OR4N2: variants seen among roughly 807,000 people sequenced by gnomAD.
OR4N2 encodes olfactory receptor family 4 subfamily N member 2.
For synonymous variants in OR4N2, 141 were observed against 140.4 expected (o/e 1.00, Z -0.03); for missense variants, 307 against 377.6 (o/e 0.81, Z 1.55).
rs1566464610 is a variant in OR4N2 at position 19,815,065 on chromosome 14, CTA to C, written c.-10+11223_-10+11224del. On this transcript the variant is annotated intron_variant, in intron 1 of 1. Transcript: ENST00000557677. ...ATGTGACCCATTTTCTTTATCCAGT[CTA>C]TGATTGATGGGCATTTGGGTTGGTT... Among the ~76,000 whole-genome samples the C allele has an allele frequency of 2.0e-5, 3 of 152,232 alleles. No homozygotes were observed. The East Asian group carries it at 5.8e-4, about 29-fold the overall frequency.
chr14:19,818,474 G>A (rs1390427542), intron 1 of OR4N2, among the ~76,000 whole-genome samples: 2 of 152,166 alleles, frequency 1.3e-5, no homozygotes, highest in African/African-American at 4.8e-5. Context: ...TTGGTTTAAA[G>A]TCTGTTTTAT....
At chr14:19,809,027 C>A (rs1469115671) in intron 1 of OR4N2, among the ~76,000 whole-genome samples, 1 of 152,154 alleles carries the variant, frequency 6.6e-6, no homozygotes, top group Non-Finnish European at 1.5e-5. Flanking sequence ...AGAAAAGACT[C>A]TGTTTAGAAG....
chr14:19,820,885 C>T (rs1194023232), intron 1 of OR4N2, among the ~76,000 whole-genome samples: 10 of 152,262 alleles, frequency 6.6e-5, no homozygotes, highest in Admixed American at 6.5e-4. Flanking sequence ...GTGGGATCCA[C>T]TGAGATAGAC....
At chr14:19,814,474 G>A (rs769229488) in intron 1 of OR4N2, among the ~76,000 whole-genome samples, 73 of 152,138 alleles carry the variant, frequency 4.8e-4, no homozygotes, top group Non-Finnish European at 6.6e-4. Flanking sequence ...TGCTTATCTC[G>A]CATGCAAAAT....
intron 1 of OR4N2, among the ~76,000 whole-genome samples, chr14:19,809,725 AAG>A (rs1351467316): frequency 1.3e-5 from 2 of 152,246 alleles, no homozygotes; most frequent in Non-Finnish European, 2.9e-5. Flanking sequence ...AACTTTCACA[AAG>A]AGGATAAAAA....
intron 1 of OR4N2, chr14:19,822,323 T>G (rs1220900571): frequency 6.6e-6 from 1 of 152,278 alleles, no homozygotes; most frequent in East Asian, 1.9e-4. Context: ...ATCATTTTCC[T>G]TATTAAATAT....
chr14:19,814,439 G>A (rs36015337), intron 1 of OR4N2, among the ~76,000 whole-genome samples: 75 of 152,018 alleles, frequency 4.9e-4, no homozygotes, highest in South Asian at 1.5e-3. Flanking sequence ...CCTTATCACC[G>A]TCAACATCCT....
chr14:19,805,357 C>G (rs1461261648), intron 1 of OR4N2, among the ~76,000 whole-genome samples: 1 of 152,092 alleles, frequency 6.6e-6, no homozygotes, highest in Non-Finnish European at 1.5e-5. Flanking sequence ...AGCAAAATGA[C>G]AGAAGAGCTG....
At chr14:19,811,437 G>T (rs765850289) in intron 1 of OR4N2, among the ~76,000 whole-genome samples, 2 of 152,148 alleles carry the variant, frequency 1.3e-5, no homozygotes, top group African/African-American at 4.8e-5. Context: ...TAGTAGAGAT[G>T]GGGTTTCACC....
chr14:19,813,932 T>C (rs1454680245), intron 1 of OR4N2, among the ~76,000 whole-genome samples: 2 of 151,968 alleles, frequency 1.3e-5, no homozygotes, highest in Non-Finnish European at 2.9e-5. Flanking sequence ...ATTTTGATTA[T>C]TGTAAATTTT....
Position 19,828,222 on chromosome 14 carries a change from C to CA in OR4N2, c.775dup (p.Thr259AsnfsTer10), listed in dbSNP as rs1879773957. The stretch of plus-strand genomic sequence containing the variant: ...TGTTTGGACCTGGCATCTTCATCTA[C>CA]ACGCGCCCCTTCAGGGCTTTCCCAG... On this transcript the variant is annotated frameshift_variant, in exon 2 of 2. Transcript: ENST00000557677. LOFTEE classifies it low-confidence loss of function (END_TRUNC). 1 of 1,614,152 alleles carries CA rather than the reference C, an allele frequency of 6.2e-7. No homozygotes were observed. The highest frequency in any genetic ancestry group is 1.3e-5 in the African/African-American group (1 of 74,956).
chr14:19,805,974 C>T (rs1452579431), intron 1 of OR4N2, among the ~76,000 whole-genome samples: 1 of 152,156 alleles, frequency 6.6e-6, no homozygotes, highest in African/African-American at 2.4e-5. Context: ...CCCACCCAAA[C>T]TTAGCTTCAT....
intron 1 of OR4N2, among the ~76,000 whole-genome samples, chr14:19,824,576 C>T (rs567877878): frequency 3.0e-4 from 45 of 152,282 alleles, no homozygotes; most frequent in African/African-American, 1.0e-3. Flanking sequence ...GGGTTTGAAC[C>T]ACACAGGTCC....
rs1879756531 is a variant in OR4N2 at position 19,827,890 on chromosome 14, C to A, written c.442C>A (p.Leu148Met). ...AACCTGCTATGCAATGATGTTGGCTCTGTGGCTTGGGGGTTTTGTCCACTC... is the reference window on the plus strand; with the variant it reads ...AACCTGCTATGCAATGATGTTGGCTATGTGGCTTGGGGGTTTTGTCCACTC... ...PRTCYAMMLA[L>M]WLGGFVHSII... The change falls in exon 2 of 2, where the codon CTG (leucine) becomes ATG (methionine). Residue 148 changes from leucine to methionine, a missense_variant. Coordinates refer to ENST00000557677, the MANE Select transcript of OR4N2 (RefSeq NM_001004723.3). The A allele has an allele frequency of 6.2e-7, 1 of 1,614,122 alleles. No individual in the cohort carries two copies. The highest frequency in any genetic ancestry group is 1.3e-5 in the African/African-American group (1 of 74,934).
At chr14:19,806,163 C>T (rs1308077372) in intron 1 of OR4N2, among the ~76,000 whole-genome samples, 1 of 152,108 alleles carries the variant, frequency 6.6e-6, no homozygotes, top group Non-Finnish European at 1.5e-5. Context: ...AAGCACTACA[C>T]AGTCAAGTCT....
At chr14:19,819,652 G>C (rs1297974200) in intron 1 of OR4N2, among the ~76,000 whole-genome samples, 1 of 152,232 alleles carries the variant, frequency 6.6e-6, no homozygotes, top group Non-Finnish European at 1.5e-5. Flanking sequence ...GCTCAGAGGA[G>C]TTTGTTACTA....
intron 1 of OR4N2, among the ~76,000 whole-genome samples, chr14:19,809,282 T>G (rs1247120433): frequency 6.6e-6 from 1 of 152,208 alleles, no homozygotes; most frequent in Non-Finnish European, 1.5e-5. Flanking sequence ...AATACTCTTC[T>G]CAGCCACAGT....
In OR4N2 at chr14:19,828,992, G is replaced by A. The variant is rs1879800050; in HGVS notation, c.*620G>A. On this transcript the variant is annotated 3_prime_UTR_variant, in exon 2 of 2. Coordinates refer to ENST00000557677, the MANE Select transcript of OR4N2 (RefSeq NM_001004723.3). ...AATTACAATAAGAAGCCATTCTGTG[G>A]CTTTAAGCAAAAGAGTGATTCCTCT... The A allele has an allele frequency of 6.5e-6, 1 of 153,340 alleles. No individual in the cohort carries two copies. Among genetic ancestry groups the A allele is most frequent in the Admixed American group, 6.5e-5 (1 of 15,436 alleles). The allele number at this position is 153,340 out of a possible 1,614,324, so 9.5% of individuals were successfully genotyped here. A position where few individuals can be genotyped will look rare whatever the true frequency, so the allele number is the denominator to read the frequency against.
At chr14:19,804,171 G>A (rs1208051630) in intron 1 of OR4N2, among the ~76,000 whole-genome samples, 1 of 152,028 alleles carries the variant, frequency 6.6e-6, no homozygotes, top group African/African-American at 2.4e-5. Flanking sequence ...TTAATCTTTT[G>A]TATGGGTTTT....
Sources: gnomAD v4.1 joint callset for allele counts (sites outside exome capture counted in the v4.1 genomes callset) on GRCh38, gnomAD v4.1.1 for gene constraint, MANE v1.5 for transcripts, NCBI Gene and HGNC (gene_info 2026-07-23, HGNC 2026-07-21) for gene names.